Variants in CIZ1 observed in about 807,000 individuals in gnomAD.
The protein encoded by CIZ1 is CDKN1A interacting zinc finger protein 1.
In CIZ1, 58 loss-of-function variants were observed where a neutral mutation model predicts 118.6. The observed-to-expected ratio is 0.49, with a 90% CI of 0.40 to 0.61. The LOEUF (loss-of-function observed/expected upper bound fraction) is 0.61, where lower values mean the gene tolerates loss of function less well. Ranked by LOEUF, CIZ1 falls within the 20% of genes least tolerant of loss-of-function variation. CIZ1 has a pLI of 0.00. For missense variants in CIZ1, 921 were observed against 1,115.9 expected, an observed-to-expected ratio of 0.83 and a Z score of 2.49; for synonymous variants, 448 against 443.4, an observed-to-expected ratio of 1.01 and a Z score of -0.13.
chr9:128,188,713 A>T (rs547941753), intron 3 of CIZ1, among the ~76,000 whole-genome samples: 7 of 152,178 alleles, frequency 4.6e-5, no homozygotes, highest in African/African-American at 1.7e-4. Context: ...GGCTCACAGC[A>T]ACCCCCGCCT....
At chr9:128,177,514 G>C in intron 10 of CIZ1, 52 bp downstream of exon 10, 1 of 1,247,796 alleles carries the variant, frequency 8.0e-7, no homozygotes, top group South Asian at 1.9e-5. Flanking sequence ...GGGCAGGCTG[G>C]GCATTCCACG....
At chr9:128,168,892 T>C in intron 14 of CIZ1, 160 bp downstream of exon 14, 1 of 1,024,398 alleles carries the variant, frequency 9.8e-7, no homozygotes, top group Non-Finnish European at 1.4e-6. Flanking sequence ...TCATGCATAA[T>C]TACATAGTCA....
rs1588268227 is a variant in CIZ1, at chr9:128,191,145, G to A, written c.-5-283C>T. On this transcript the variant is annotated intron_variant, in intron 1 of 16. Coordinates refer to ENST00000372938, the MANE Select transcript of CIZ1 (RefSeq NM_001131016.2). The surrounding 1 kb of genome is among the most constrained non-coding windows in gnomAD (Gnocchi z 5.5). Reference sequence around the variant, plus strand: ...GTCCCTCCATCTCTCCATTTCTGGCGGCTCCATCCTCCCACCCTCAGCCTC... The same window carrying A: ...GTCCCTCCATCTCTCCATTTCTGGCAGCTCCATCCTCCCACCCTCAGCCTC... The A allele has an allele frequency of 2.0e-6, 1 of 512,250 alleles. No individual in the cohort carries two copies. The highest frequency in any genetic ancestry group is 3.4e-6 in the Non-Finnish European group (1 of 291,352). The allele number at this position is 512,250 out of a possible 1,614,324, so 31.7% of individuals were successfully genotyped here.
chr9:128,166,718 GTC>G lies in CIZ1; in HGVS notation c.2487+39_2487+40del. Reference sequence around the variant, plus strand: ...CCGAATCAGCTTGGATTAAGACTAAGTCTGTGGCCAGGGGAGGACAGGGCAGG... The same window carrying G: ...CCGAATCAGCTTGGATTAAGACTAAGTGTGGCCAGGGGAGGACAGGGCAGG... On this transcript the variant is annotated intron_variant, in intron 16 of 16. Coordinates refer to ENST00000372938, the MANE Select transcript of CIZ1 (RefSeq NM_001131016.2). The surrounding 1 kb of genome is among the most constrained non-coding windows in gnomAD (Gnocchi z 4.4). 1 of 1,613,868 alleles carries G rather than the reference GTC, an allele frequency of 6.2e-7. No individual in the cohort carries two copies. Among genetic ancestry groups the G allele is most frequent in the Non-Finnish European group, 8.5e-7 (1 of 1,179,838 alleles).
Position 128,178,456 on chromosome 9 carries a change from G to A in CIZ1, c.1533C>T (p.Thr511=), listed in dbSNP as rs1407130246. 33 of 1,613,990 alleles carry A rather than the reference G, an allele frequency of 2.0e-5. No homozygotes were observed. Among genetic ancestry groups the A allele is most frequent in the African/African-American group, 2.7e-5 (2 of 74,928 alleles). ...TCTGAATCTCTTCCATGCTGACTTG[G>A]GTGCCCACAGGCTCTGGCAAGGTCT... ...MEKTLPEPVG[T]QVSMEEIQNE... is the part of the protein sequence containing the mutation. Residue 511 remains threonine (T), a synonymous_variant, in exon 9 of 17, where the codon ACC becomes ACT. Coordinates refer to ENST00000372938, the MANE Select transcript of CIZ1 (RefSeq NM_001131016.2).
intron 5 of CIZ1, among the ~76,000 whole-genome samples, chr9:128,181,733 C>G (rs1417465334): frequency 6.8e-6 from 1 of 147,712 alleles, no homozygotes; most frequent in Non-Finnish European, 1.5e-5. Context: ...CGTCAAGGAA[C>G]AACACCCGCT....
upstream of CIZ1, among the ~76,000 whole-genome samples, chr9:128,195,623 G>C (rs1165580356): frequency 6.6e-6 from 1 of 151,566 alleles, no homozygotes. Context: ...AGGCCTTCCA[G>C]ACCTATTCTG....
chr9:128,177,598 A>C lies in CIZ1; in HGVS notation c.1786T>G (p.Tyr596Asp), dbSNP rs1831029071. The C allele has an allele frequency of 7.5e-7, 1 of 1,338,702 alleles. No individual in the cohort carries two copies. Among genetic ancestry groups the C allele is most frequent in the Non-Finnish European group, 9.9e-7 (1 of 1,010,770 alleles). 82.9% of individuals were successfully genotyped at this position (1,338,702 alleles called of 1,614,324 possible). ...PSKQALQFFC[Y>D]ICKASCSSQQ... ...CTGGAGCAGCTGGCCTTGCAGATGT[A>C]GCAGAAGAACTGGAGGGCCTGCTTA... Residue 596 changes from tyrosine (Y) to aspartate (D), a missense_variant, in exon 10 of 17, where the codon TAC (tyrosine) becomes GAC (aspartate). Tyr to Asp is a radical substitution (Grantham distance 160). Transcript: ENST00000372938.
chr9:128,172,383 A>C (rs941623996), intron 11 of CIZ1, among the ~76,000 whole-genome samples: 6 of 151,966 alleles, frequency 3.9e-5, no homozygotes, highest in Non-Finnish European at 8.8e-5. Context: ...AATCCCAGCT[A>C]CTTAGGAGGC....
chr9:128,197,425 C>T (rs534666088), intron 1 of CIZ1: 5 of 152,412 alleles, frequency 3.3e-5, no homozygotes, highest in South Asian at 2.1e-4. Context: ...TCAACAACAG[C>T]TCCAAGTCAG....
chr9:128,176,603 C>G (rs932966168), intron 10 of CIZ1, 128 bp from the exon 11 acceptor site: 2 of 946,784 alleles, frequency 2.1e-6, no homozygotes, highest in African/African-American at 3.3e-5. Context: ...ACATTTCTCT[C>G]TTGTGTAGGC....
chr9:128,200,009 C>G (rs10819373), intron 1 of CIZ1: 144,661 of 151,780 alleles, frequency 0.95, 69,109 homozygotes, highest in East Asian at 1. Context: ...GGCTGGTCTC[C>G]AACTCCTGGC....
At chr9:128,190,623 G>C (rs1024046606) in intron 2 of CIZ1, 65 bp downstream of exon 2, 10 of 1,517,406 alleles carry the variant, frequency 6.6e-6, no homozygotes, top group Admixed American at 4.1e-5. Flanking sequence ...GATGGGGATC[G>C]GGAGCTCCGA....
rs1833636672 is a variant in CIZ1 at position 128,203,701 on chromosome 9, T to G, written c.-6+485A>C. The G allele has an allele frequency of 7.5e-7, 1 of 1,338,128 alleles. No homozygotes were observed. The allele number at this position is 1,338,128 out of a possible 1,614,324, so 82.9% of individuals were successfully genotyped here. On this transcript the variant is annotated intron_variant, in intron 1 of 17. Transcript: ENST00000372948. This position sits in a 1 kb window ranked among gnomAD's most constrained non-coding sequence, Gnocchi z 5.3. The stretch of plus-strand genomic sequence containing the variant: ...TCCCTGGAGTCCCCGCCCGGGGCAC[T>G]GACGGCGCGGCGACCTCGCAGCCCC...
At position 128,169,609 on chromosome 9, in the gene CIZ1, C is replaced by T. The variant is rs781303529; in HGVS notation, c.2032-90G>A. On this transcript the variant is annotated intron_variant, in intron 12 of 16. Coordinates refer to ENST00000372938, the MANE Select transcript of CIZ1 (RefSeq NM_001131016.2). ...AGGGCCCAGCAAGAGCTCACCTCCCCCGGGCAGGCCCACCATATCTGTAAC... is the reference window on the plus strand; with the variant it reads ...AGGGCCCAGCAAGAGCTCACCTCCCTCGGGCAGGCCCACCATATCTGTAAC... 6 of 1,567,878 alleles carry T rather than the reference C, an allele frequency of 3.8e-6. No individual in the cohort carries two copies. In the South Asian group the frequency reaches 6.9e-5, roughly 18 times the overall value.
chr9:128,171,137 T>G (rs1291051485), intron 11 of CIZ1, among the ~76,000 whole-genome samples: 1 of 150,990 alleles, frequency 6.6e-6, no homozygotes, highest in Non-Finnish European at 1.5e-5. Flanking sequence ...AAATAATAAA[T>G]AAATAAAAAG....
At position 128,170,021 on chromosome 9, in the gene CIZ1, T is replaced by G; in HGVS notation, c.2030A>C (p.Lys677Thr). 1 of 1,612,394 alleles carries G rather than the reference T, an allele frequency of 6.2e-7. No individual in the cohort carries two copies. Among genetic ancestry groups the G allele is most frequent in the Non-Finnish European group, 8.5e-7 (1 of 1,179,428 alleles). ...TCTGCAGCGTGCAGGCCCTCCTACC[T>G]TGTGGTCCTGTGTCCTGCGGTGTTG... is the stretch of plus-strand genomic sequence containing the variant. Reference protein sequence around the residue: ...LIQHRRTQDHKIAKQSLRPFC... With the variant: ...LIQHRRTQDHTIAKQSLRPFC... Residue 677 changes from lysine (K) to threonine (T), a missense_variant and splice_region_variant, in exon 12 of 17, where the codon AAG (lysine) becomes ACG (threonine). Lys to Thr is a moderately conservative substitution (Grantham distance 78). Coordinates refer to ENST00000372938, the MANE Select transcript of CIZ1 (RefSeq NM_001131016.2).
Position 128,166,223 on chromosome 9 carries a change from G to T in CIZ1, c.2671C>A (p.Arg891=). The T allele has an allele frequency of 1.3e-6, 2 of 1,496,968 alleles. No homozygotes were observed. Among genetic ancestry groups the T allele is most frequent in the Non-Finnish European group, 9.0e-7 (1 of 1,114,278 alleles). The allele number at this position is 1,496,968 out of a possible 1,614,324, so 92.7% of individuals were successfully genotyped here. ...CAGGTTTTGAGGCGGGTTGAGCGCCGAGGTAGTGGGGGCTGGGAGGGTCGA... is the reference window on the plus strand; with the variant it reads ...CAGGTTTTGAGGCGGGTTGAGCGCCTAGGTAGTGGGGGCTGGGAGGGTCGA... ...TARPSQPPLP[R]RSTRLKT The change falls in exon 17 of 17, where the codon CGG becomes AGG. Residue 891 remains arginine, a synonymous_variant. Coordinates refer to ENST00000372938, the MANE Select transcript of CIZ1 (RefSeq NM_001131016.2). The surrounding 1 kb of genome is among the most constrained non-coding windows in gnomAD (Gnocchi z 4.4).
chr9:128,203,363 G>A lies in CIZ1; in HGVS notation c.-6+823C>T, dbSNP rs1177981904. 3 of 1,098,562 alleles carry A rather than the reference G, an allele frequency of 2.7e-6. No individual in the cohort carries two copies. Among genetic ancestry groups the A allele is most frequent in the African/African-American group, 1.7e-5 (1 of 59,812 alleles). 68.1% of individuals were successfully genotyped at this position (1,098,562 alleles called of 1,614,324 possible). On this transcript the variant is annotated intron_variant, in intron 1 of 17. Coordinates refer to the CIZ1 transcript ENST00000372948. The surrounding 1 kb of genome is among the most constrained non-coding windows in gnomAD (Gnocchi z 5.3). ...TCGCTCCGATCCCCGAGGGGCGGGG[G>A]CCCCGCGGCGCAGGCAGTCTGGGCG...
Sources: gnomAD v4.1 joint callset for allele counts (sites outside exome capture counted in the v4.1 genomes callset) on GRCh38, gnomAD v4.1.1 for gene constraint, Gnocchi (gnomAD v3.1) non-coding constraint, MANE v1.5 for transcripts, NCBI Gene and HGNC (gene_info 2026-07-23, HGNC 2026-07-21) for gene names.